UNC5D: variants seen among roughly 807,000 people sequenced by gnomAD.
The protein encoded by UNC5D is netrin receptor UNC5D.
A neutral mutation model predicts 105.4 loss-of-function variants in UNC5D; 39 were observed. That is an observed-to-expected ratio of 0.37 (90% CI 0.29 to 0.48). The LOEUF (loss-of-function observed/expected upper bound fraction) is 0.48, where lower values mean the gene tolerates loss of function less well. UNC5D is among the 20% of genes least tolerant of loss of function. UNC5D has a pLI of 0.98. For synonymous variants in UNC5D, 452 were observed against 450.4 expected (o/e 1.00, Z -0.04); for missense variants, 991 against 1,202.4 (o/e 0.82, Z 2.60).
At chr8:35,665,859 G>T (rs557181867) in intron 4 of UNC5D, among the ~76,000 whole-genome samples, 1 of 151,486 alleles carries the variant, frequency 6.6e-6, no homozygotes, top group Non-Finnish European at 1.5e-5. Context: ...GTTTAATTAT[G>T]AACTGTATAT....
chr8:35,697,334 TG>T (rs1305699345), intron 7 of UNC5D, among the ~76,000 whole-genome samples: 6 of 151,408 alleles, frequency 4.0e-5, no homozygotes, highest in East Asian at 1.9e-4. Flanking sequence ...CTTCAGATTA[TG>T]TTTTTTTTTT....
At chr8:35,361,297 G>GA (rs924034616) in intron 1 of UNC5D, among the ~76,000 whole-genome samples, 2 of 151,872 alleles carry the variant, frequency 1.3e-5, no homozygotes, top group East Asian at 3.9e-4. Context: ...CTCATTTGTA[G>GA]AAAAAAAGGA....
chr8:35,779,008 ACAG>A (rs1324306666), intron 16 of UNC5D, among the ~76,000 whole-genome samples: 3 of 152,242 alleles, frequency 2.0e-5, no homozygotes, highest in Non-Finnish European at 4.4e-5. Flanking sequence ...AATAAGCTAC[ACAG>A]CCTAGCAAAG....
intron 1 of UNC5D, among the ~76,000 whole-genome samples, chr8:35,317,738 G>A (rs1013274121): frequency 4.6e-5 from 7 of 151,812 alleles, no homozygotes; most frequent in Non-Finnish European, 1.0e-4. Context: ...TTTACGTGAC[G>A]TAAATTATAT....
At chr8:35,449,005 G>A (rs1192786475) in intron 1 of UNC5D, among the ~76,000 whole-genome samples, 1 of 152,028 alleles carries the variant, frequency 6.6e-6, no homozygotes, top group Admixed American at 6.6e-5. Flanking sequence ...AATCTGTTGT[G>A]CTTATTGTTT....
intron 4 of UNC5D, among the ~76,000 whole-genome samples, chr8:35,663,376 C>T (rs1824228148): frequency 6.6e-6 from 1 of 152,234 alleles, no homozygotes; most frequent in Admixed American, 6.5e-5. Context: ...GAACAGCTCA[C>T]ATTTCTGCTG....
At chr8:35,342,657 C>T (rs756872035) in intron 1 of UNC5D, among the ~76,000 whole-genome samples, 10 of 152,038 alleles carry the variant, frequency 6.6e-5, no homozygotes, top group Admixed American at 2.0e-4. Flanking sequence ...CTAAAGGAAA[C>T]GTGGGATACT....
chr8:35,473,056 G>A (rs549834131), intron 1 of UNC5D, among the ~76,000 whole-genome samples: 2 of 152,188 alleles, frequency 1.3e-5, no homozygotes, highest in African/African-American at 2.4e-5. Flanking sequence ...CAATTGTAGA[G>A]TGTAATGTTT....
At chr8:35,734,897 C>T (rs1829386129) in intron 11 of UNC5D, among the ~76,000 whole-genome samples, 1 of 150,762 alleles carries the variant, frequency 6.6e-6, no homozygotes, top group Non-Finnish European at 1.5e-5. Flanking sequence ...ATTCTCTCTG[C>T]CTCAGCCTCC....
At chr8:35,387,467 C>A (rs968858012) in intron 1 of UNC5D, among the ~76,000 whole-genome samples, 9 of 151,980 alleles carry the variant, frequency 5.9e-5, no homozygotes, top group Non-Finnish European at 7.4e-5. Flanking sequence ...AGATAAACTT[C>A]CCTCCTTTGT....
At chr8:35,444,809 C>T (rs1807667086) in intron 1 of UNC5D, among the ~76,000 whole-genome samples, 1 of 151,952 alleles carries the variant, frequency 6.6e-6, no homozygotes. Context: ...GTAATACAAA[C>T]CTCATAGGAA....
At chr8:35,715,977 G>T in intron 8 of UNC5D, among the ~76,000 whole-genome samples, 1 of 152,114 alleles carries the variant, frequency 6.6e-6, no homozygotes, top group South Asian at 2.1e-4. Context: ...TTTGGCCATA[G>T]AATGTGAATA....
At chr8:35,657,076 G>GTGTGTGTATATATATATATATATATA (rs1823796064) in intron 4 of UNC5D, among the ~76,000 whole-genome samples, 3 of 94,438 alleles carry the variant, frequency 3.2e-5, no homozygotes, top group African/African-American at 1.6e-4. Flanking sequence ...GTGTGTGTGT[G>GTGTGTGTATATATATATATATATATA]TGTGTATATA....
chr8:35,325,619 T>C (rs1010739228), intron 1 of UNC5D, among the ~76,000 whole-genome samples: 4 of 152,180 alleles, frequency 2.6e-5, no homozygotes, highest in African/African-American at 9.6e-5. Flanking sequence ...TGAACACACA[T>C]ACAATGCGTT....
chr8:35,685,671 T>C (rs1327497296), intron 6 of UNC5D, among the ~76,000 whole-genome samples: 2 of 152,226 alleles, frequency 1.3e-5, no homozygotes, highest in Non-Finnish European at 2.9e-5. Context: ...TAATGTTGTT[T>C]ACTCCTGTGT....
At chr8:35,301,401 A>G (rs1160071726) in intron 1 of UNC5D, among the ~76,000 whole-genome samples, 1 of 152,210 alleles carries the variant, frequency 6.6e-6, no homozygotes, top group African/African-American at 2.4e-5. Flanking sequence ...CACAGAGGTT[A>G]TCTAAGCAAA....
chr8:35,424,983 T>G (rs537245903), intron 1 of UNC5D, among the ~76,000 whole-genome samples: 2 of 152,118 alleles, frequency 1.3e-5, no homozygotes, highest in East Asian at 3.9e-4. Context: ...TGTACTGGGC[T>G]GAAATTGTTC....
intron 4 of UNC5D, among the ~76,000 whole-genome samples, chr8:35,677,891 T>C (rs1825363135): frequency 2.2e-5 from 1 of 45,800 alleles, no homozygotes; most frequent in African/African-American, 4.3e-5. Context: ...TGTGAGTGTC[T>C]GTGTGTGTGT....
intron 4 of UNC5D, among the ~76,000 whole-genome samples, chr8:35,650,501 CTT>C (rs780913864): frequency 1.3e-5 from 2 of 152,098 alleles, no homozygotes. Context: ...GAGTTTCACT[CTT>C]GTCACCCAGG....
Sources: allele counts gnomAD v4.1 joint callset (sites outside exome capture counted in the v4.1 genomes callset), GRCh38; gene constraint gnomAD v4.1.1; transcripts MANE v1.5; gene names NCBI Gene and HGNC (gene_info 2026-07-23, HGNC 2026-07-21).